Variants in IQCM observed in about 807,000 individuals in gnomAD.
IQCM encodes the protein IQ motif containing M.
A neutral mutation model predicts 57.6 loss-of-function variants in IQCM; 45 were observed. That is an observed-to-expected ratio of 0.78 (90% CI 0.62 to 1.00). IQCM has a LOEUF of 1.00. Among genes scored for constraint, IQCM ranks in the 50% least tolerant of loss-of-function variants. IQCM has a pLI of 0.00. For missense variants in IQCM, 468 were observed against 511.6 expected, an observed-to-expected ratio of 0.91 and a Z score of 0.82; for synonymous variants, 148 against 158.9, an observed-to-expected ratio of 0.93 and a Z score of 0.51.
intron 7 of IQCM, among the ~76,000 whole-genome samples, chr4:149,664,638 G>A (rs1760526952): frequency 2.0e-5 from 3 of 152,184 alleles, no homozygotes; most frequent in Non-Finnish European, 4.4e-5. Context: ...GTTTTGTTGG[G>A]GACACGGGCA....
chr4:149,442,293 T>C (rs1187466036), intron 12 of IQCM, among the ~76,000 whole-genome samples: 2 of 152,084 alleles, frequency 1.3e-5, no homozygotes, highest in Non-Finnish European at 2.9e-5. Flanking sequence ...CATTTTAGCA[T>C]TTTTCACAAT....
chr4:149,749,554 G>T (rs1170547546), intron 2 of IQCM, among the ~76,000 whole-genome samples: 1 of 151,766 alleles, frequency 6.6e-6, no homozygotes. Context: ...TGAGGTGGGG[G>T]GCACAAGGAG....
chr4:149,469,368 G>C (rs2149724567), intron 12 of IQCM, among the ~76,000 whole-genome samples: 1 of 152,246 alleles, frequency 6.6e-6, no homozygotes, highest in Admixed American at 6.5e-5. Flanking sequence ...GGAAGAAAGG[G>C]TATCAGTGAT....
chr4:149,668,070 C>A (rs547877304), intron 7 of IQCM, among the ~76,000 whole-genome samples: 1 of 152,210 alleles, frequency 6.6e-6, no homozygotes, highest in South Asian at 2.1e-4. Context: ...TCAGGAAATA[C>A]AGAGAACACC....
At chr4:149,525,857 G>A (rs1746106735) in intron 12 of IQCM, among the ~76,000 whole-genome samples, 2 of 151,510 alleles carry the variant, frequency 1.3e-5, no homozygotes, top group South Asian at 4.1e-4. Flanking sequence ...ACAAGTGAAG[G>A]ATTAATATAT....
chr4:149,670,221 T>A (rs1006877317), intron 7 of IQCM, among the ~76,000 whole-genome samples: 5 of 152,166 alleles, frequency 3.3e-5, no homozygotes, highest in Admixed American at 2.6e-4. Context: ...TCCTAGGTAT[T>A]TTATTCTCCT....
At chr4:149,506,033 T>A (rs556724415) in intron 12 of IQCM, among the ~76,000 whole-genome samples, 13 of 152,208 alleles carry the variant, frequency 8.5e-5, no homozygotes, top group Non-Finnish European at 1.5e-4. Context: ...ATCCACAAGA[T>A]CTAGCCTACA....
chr4:149,674,283 C>A (rs1160842653), intron 7 of IQCM, among the ~76,000 whole-genome samples: 1 of 152,058 alleles, frequency 6.6e-6, no homozygotes, highest in Non-Finnish European at 1.5e-5. Flanking sequence ...TGGTACAACA[C>A]TTTTACAAAA....
Position 149,351,783 on chromosome 4 carries a change from T to C in IQCM, c.*168A>G, listed in dbSNP as rs1728608854. The C allele has an allele frequency of 2.6e-6, 1 of 387,598 alleles. No individual in the cohort carries two copies. The highest frequency in any genetic ancestry group is 4.5e-6 in the Non-Finnish European group (1 of 220,004). 24.0% of individuals were successfully genotyped at this position (387,598 alleles called of 1,614,324 possible). Reference sequence around the variant, plus strand: ...TATGAAGGAGATCAAATGAATGGTGTTCATCCAAAAATACTAGAAATTATA... The same window carrying C: ...TATGAAGGAGATCAAATGAATGGTGCTCATCCAAAAATACTAGAAATTATA... On this transcript the variant is annotated 3_prime_UTR_variant, in exon 14 of 14. Coordinates refer to ENST00000636793, the MANE Select transcript of IQCM (RefSeq NM_001363507.2).
intron 2 of IQCM, among the ~76,000 whole-genome samples, chr4:149,765,909 G>T (rs566466106): frequency 2.6e-5 from 4 of 151,668 alleles, no homozygotes; most frequent in African/African-American, 7.3e-5. Flanking sequence ...AAACTGACTC[G>T]CACCCAAGAA....
chr4:149,798,192 T>G (rs902147420), intron 2 of IQCM, among the ~76,000 whole-genome samples: 2 of 151,872 alleles, frequency 1.3e-5, no homozygotes. Flanking sequence ...AGTTAAAAAG[T>G]AGGGGGACAA....
At chr4:149,443,092 C>T (rs1736136936) in intron 12 of IQCM, among the ~76,000 whole-genome samples, 1 of 152,010 alleles carries the variant, frequency 6.6e-6, no homozygotes, top group East Asian at 1.9e-4. Flanking sequence ...CAAGTTGAAA[C>T]TCTTGTGCAT....
chr4:149,445,883 G>T (rs1335374491), intron 12 of IQCM, among the ~76,000 whole-genome samples: 1 of 151,602 alleles, frequency 6.6e-6, no homozygotes, highest in African/African-American at 2.4e-5. Flanking sequence ...CACTTATTTT[G>T]TCATATGATC....
chr4:149,398,730 AG>A (rs1487971772), intron 13 of IQCM, among the ~76,000 whole-genome samples: 3 of 151,826 alleles, frequency 2.0e-5, no homozygotes, highest in African/African-American at 7.3e-5. Context: ...TTTTTGAGAC[AG>A]GGTCTAGCTA....
chr4:149,557,274 G>C (rs772497899), intron 10 of IQCM, among the ~76,000 whole-genome samples: 4 of 152,244 alleles, frequency 2.6e-5, no homozygotes, highest in Non-Finnish European at 5.9e-5. Context: ...GACACTTCTG[G>C]TACCAGAATG....
intron 13 of IQCM, among the ~76,000 whole-genome samples, chr4:149,353,745 A>G (rs1365961704): frequency 6.6e-6 from 1 of 152,172 alleles, no homozygotes; most frequent in Non-Finnish European, 1.5e-5. Flanking sequence ...AAATATACAG[A>G]CATAGAGAAT....
chr4:149,490,099 A>G (rs1210421412), intron 12 of IQCM, among the ~76,000 whole-genome samples: 1 of 152,008 alleles, frequency 6.6e-6, no homozygotes, highest in African/African-American at 2.4e-5. Flanking sequence ...AAACATTACT[A>G]TAATAGGTTG....
intron 12 of IQCM, among the ~76,000 whole-genome samples, chr4:149,511,273 C>G (rs1744384934): frequency 6.6e-6 from 1 of 151,852 alleles, no homozygotes; most frequent in South Asian, 2.1e-4. Flanking sequence ...AATCCCAGGA[C>G]TTTGGGAGGC....
chr4:149,813,758 C>A (rs1774806795), intron 2 of IQCM, among the ~76,000 whole-genome samples: 1 of 151,990 alleles, frequency 6.6e-6, no homozygotes, highest in African/African-American at 2.4e-5. Flanking sequence ...TAAGGAATAC[C>A]TTTAAAGAAT....
Sources: allele counts gnomAD v4.1 joint callset (sites outside exome capture counted in the v4.1 genomes callset), GRCh38; gene constraint gnomAD v4.1.1; transcripts MANE v1.5; gene names NCBI Gene and HGNC (gene_info 2026-07-23, HGNC 2026-07-21).